Variants in COL6A6 observed in about 807,000 individuals in gnomAD.
COL6A6 encodes collagen alpha-6(VI) chain.
Under a neutral mutation model 208.6 loss-of-function variants are expected in COL6A6, and 183 were observed. The observed-to-expected ratio is 0.88, with a 90% CI of 0.78 to 0.99. The LOEUF is 0.99. Among genes scored for constraint, COL6A6 ranks in the 50% least tolerant of loss-of-function variants. The pLI is 0.00. For missense variants in COL6A6, 2,816 were observed against 2,815.2 expected (o/e 1.00, Z -0.01); for synonymous variants, 973 against 1,011.8 (o/e 0.96, Z 0.73).
chr3:130,634,705 G>T (rs1015354038), intron 27 of COL6A6, 80 bp downstream of exon 27: 11 of 1,023,254 alleles, frequency 1.1e-5, no homozygotes, highest in Non-Finnish European at 1.6e-5. Flanking sequence ...GCCAGTAGAA[G>T]AACAGTTAAT....
chr3:130,518,568 G>A (rs964374845), intron 1 of COL6A6, among the ~76,000 whole-genome samples: 1 of 152,072 alleles, frequency 6.6e-6, no homozygotes. Flanking sequence ...AGTGCAATGC[G>A]CCATCTCAGC....
chr3:130,641,618 A>G (rs1019354663), intron 28 of COL6A6, 34 bp from the exon 29 acceptor site: 1 of 1,204,486 alleles, frequency 8.3e-7, no homozygotes. Flanking sequence ...ACATATATGT[A>G]TAAATACAAT....
At chr3:130,661,321 C>T (rs1305992663) in intron 34 of COL6A6, among the ~76,000 whole-genome samples, 1 of 152,190 alleles carries the variant, frequency 6.6e-6, no homozygotes, top group African/African-American at 2.4e-5. Context: ...CCCTTGCATG[C>T]ACGAGGCCAA....
chr3:130,519,536 TA>T (rs68193503), intron 1 of COL6A6, among the ~76,000 whole-genome samples: 25,622 of 152,136 alleles, frequency 0.17, 2,408 homozygotes, highest in East Asian at 0.37. Flanking sequence ...TGGCCAAAAT[TA>T]TTTTTTTTCC....
intron 24 of COL6A6, among the ~76,000 whole-genome samples, chr3:130,625,454 G>A (rs542667614): frequency 2.0e-5 from 3 of 152,208 alleles, no homozygotes; most frequent in Admixed American, 6.5e-5. Context: ...AGAAGATCAA[G>A]GTTAACATCA....
intron 1 of COL6A6, among the ~76,000 whole-genome samples, chr3:130,552,869 T>A (rs1270121042): frequency 6.6e-6 from 1 of 152,228 alleles, no homozygotes; most frequent in Non-Finnish European, 1.5e-5. Flanking sequence ...CCTTAGCACT[T>A]GCTTGTCTGA....
In COL6A6 at chr3:130,581,747, AT is replaced by A. The variant is rs1577778349; in HGVS notation, c.3735del (p.Asn1245LysfsTer18). The A allele has an allele frequency of 6.2e-7, 1 of 1,613,994 alleles. No homozygotes were observed. The highest frequency in any genetic ancestry group is 1.1e-5 in the South Asian group (1 of 91,084). The stretch of plus-strand genomic sequence containing the variant: ...GTCAGTGTGGCTTTTCAAGTGACCA[AT>A]GCCATGGAAAAATATTCTCCCAAGT... ...TQVSVAFQVT[N>X]AMEKYSPKFE... On this transcript the variant is annotated frameshift_variant, in exon 9 of 37. Transcript: ENST00000358511. LOFTEE classifies it high-confidence loss of function.
At chr3:130,669,256 G>A (rs919058907) in intron 36 of COL6A6, among the ~76,000 whole-genome samples, 52 of 152,156 alleles carry the variant, frequency 3.4e-4, no homozygotes, top group Non-Finnish European at 6.3e-4. Flanking sequence ...TTAGCCAGGC[G>A]TGATGGCCCA....
At position 130,675,374 on chromosome 3, in the gene COL6A6, A is replaced by G; in HGVS notation, c.6769A>G (p.Ser2257Gly). Residue 2257 changes from serine to glycine, a missense_variant, in exon 37 of 37, where the codon AGT becomes GGT. Transcript: ENST00000358511. ...HTFKNGRMIE[S>G]APKQHD The stretch of plus-strand genomic sequence containing the variant: ...CTTTAAGAATGGAAGGATGATAGAA[A>G]GTGCTCCCAAACAACATGATTAAAA... The G allele has an allele frequency of 1.3e-6, 2 of 1,590,694 alleles. No homozygotes were observed. Among genetic ancestry groups the G allele is most frequent in the Non-Finnish European group, 8.6e-7 (1 of 1,168,948 alleles).
chr3:130,644,523 T>C (rs920042074), intron 31 of COL6A6, among the ~76,000 whole-genome samples: 8 of 152,212 alleles, frequency 5.3e-5, no homozygotes, highest in Non-Finnish European at 8.8e-5. Flanking sequence ...TTACATAACA[T>C]ATAAATATGC....
intron 1 of COL6A6, among the ~76,000 whole-genome samples, chr3:130,532,289 A>G (rs1034818842): frequency 2.0e-5 from 3 of 152,180 alleles, no homozygotes; most frequent in African/African-American, 4.8e-5. Context: ...TTTTTCCTTC[A>G]GAACTTATTA....
intron 34 of COL6A6, 34 bp downstream of exon 34, chr3:130,658,806 G>C: frequency 6.7e-7 from 1 of 1,495,464 alleles, no homozygotes; most frequent in Non-Finnish European, 9.2e-7. Context: ...ATTTGGTCAG[G>C]CCTATTAAGC....
Position 130,581,846 on chromosome 3 carries a change from C to T in COL6A6, c.3833C>T (p.Ala1278Val), listed in dbSNP as rs748957842. Reference sequence around the variant, plus strand: ...GTTAAAGGACCATCTCTTCTCAATGCAAACCTCTTGGATTCTCTATGGGAT... The same window carrying T: ...GTTAAAGGACCATCTCTTCTCAATGTAAACCTCTTGGATTCTCTATGGGAT... The part of the protein sequence containing the change: ...ITVKGPSLLN[A>V]NLLDSLWDTF... The change falls in exon 9 of 37, where the codon GCA becomes GTA. Residue 1278 changes from alanine (A) to valine (V), a missense_variant. Coordinates refer to ENST00000358511, the MANE Select transcript of COL6A6 (RefSeq NM_001102608.3). 1.2e-6 allele frequency: 2 copies of T among 1,613,142 alleles called. No individual in the cohort carries two copies. The highest frequency in any genetic ancestry group is 8.5e-7 in the Non-Finnish European group (1 of 1,179,194).
intron 23 of COL6A6, among the ~76,000 whole-genome samples, chr3:130,619,027 CCAA>C (rs2064621835): frequency 6.6e-6 from 1 of 152,114 alleles, no homozygotes; most frequent in African/African-American, 2.4e-5. Context: ...ATATGGAAAA[CCAA>C]CAAATTAAAC....
chr3:130,572,929 A>T (rs2063200336), intron 7 of COL6A6, among the ~76,000 whole-genome samples: 1 of 151,898 alleles, frequency 6.6e-6, no homozygotes, highest in South Asian at 2.1e-4. Context: ...GCTAAGGAAC[A>T]CACATGTGCC....
intron 32 of COL6A6, among the ~76,000 whole-genome samples, chr3:130,648,711 G>T (rs1356777197): frequency 6.6e-6 from 1 of 152,164 alleles, no homozygotes; most frequent in South Asian, 2.1e-4. Context: ...GTGTTTAACT[G>T]AGTGAAGTTC....
chr3:130,618,595 G>A (rs901765672), intron 23 of COL6A6, among the ~76,000 whole-genome samples: 4 of 152,174 alleles, frequency 2.6e-5, no homozygotes, highest in Admixed American at 2.6e-4. Flanking sequence ...AACCACCAGT[G>A]TGATTCCTTA....
At chr3:130,567,317 G>A in intron 5 of COL6A6, 55 bp downstream of exon 5, 4 of 1,344,762 alleles carry the variant, frequency 3.0e-6, no homozygotes, top group Non-Finnish European at 4.1e-6. Context: ...TGCTATCCTG[G>A]CAATAATTGA....
chr3:130,542,974 C>T (rs2062407198), intron 1 of COL6A6, among the ~76,000 whole-genome samples: 1 of 145,966 alleles, frequency 6.9e-6, no homozygotes, highest in African/African-American at 2.5e-5. Flanking sequence ...GGCACCATCT[C>T]GGCTCACTGC....
Sources: gnomAD v4.1 joint callset for allele counts (sites outside exome capture counted in the v4.1 genomes callset) on GRCh38, gnomAD v4.1.1 for gene constraint, MANE v1.5 for transcripts, NCBI Gene and HGNC (gene_info 2026-07-23, HGNC 2026-07-21) for gene names.